Variants in FHIT observed in about 807,000 individuals in gnomAD.
The protein encoded by FHIT is fragile histidine triad diadenosine triphosphatase.
A neutral mutation model predicts 17.9 loss-of-function variants in FHIT; 19 were observed. The observed-to-expected ratio is 1.06, with a 90% confidence interval of 0.74 to 1.56. FHIT has a LOEUF of 1.56. Ranked by LOEUF, FHIT falls within the 40% of genes most tolerant of loss-of-function variation. FHIT has a pLI of 0.00. For missense variants in FHIT, 248 were observed against 189.2 expected, an observed-to-expected ratio of 1.31 and a Z score of -1.82; for synonymous variants, 81 against 69.7, an observed-to-expected ratio of 1.16 and a Z score of -0.81.
chr3:60,201,519 C>T lies in FHIT; in HGVS notation c.104-187367G>A, dbSNP rs183160118. ...GGGTAGATAATCAGAAGAAAAGAAT[C>T]ATTTAACAACCACCCTACCCCCCAA... is the stretch of plus-strand genomic sequence containing the variant. On this transcript the variant is annotated intron_variant, in intron 5 of 9. Transcript: ENST00000492590. Among the ~76,000 whole-genome samples the T allele has an allele frequency of 3.5e-3, 530 of 152,104 alleles. 2 individuals carry two copies. The highest frequency in any genetic ancestry group is 0.012 in the African/African-American group (507 of 41,506).
chr3:60,519,506 G>A (rs1054674756), intron 5 of FHIT, among the ~76,000 whole-genome samples: 1 of 152,064 alleles, frequency 6.6e-6, no homozygotes, highest in Non-Finnish European at 1.5e-5. Flanking sequence ...ATTGTTGACT[G>A]GAAGCCTTAC....
At chr3:60,588,425 AAAT>A (rs1386811589) in intron 4 of FHIT, among the ~76,000 whole-genome samples, 1 of 152,018 alleles carries the variant, frequency 6.6e-6, no homozygotes, top group Non-Finnish European at 1.5e-5. Flanking sequence ...GAAGAGAAGA[AAAT>A]AAAGAGGGGA....
At chr3:60,514,615 C>T (rs542665227) in intron 5 of FHIT, among the ~76,000 whole-genome samples, 40 of 152,256 alleles carry the variant, frequency 2.6e-4, no homozygotes, top group Non-Finnish European at 5.6e-4. Flanking sequence ...AACAAACCCA[C>T]ACATGCTGCA....
intron 1 of FHIT, among the ~76,000 whole-genome samples, chr3:61,242,633 C>G (rs2040399551): frequency 6.6e-6 from 1 of 152,058 alleles, no homozygotes; most frequent in Admixed American, 6.6e-5. Context: ...GAACAGGAGA[C>G]CAGAGTTTTA....
chr3:60,186,448 T>G (rs1412854307), intron 5 of FHIT, among the ~76,000 whole-genome samples: 1 of 152,190 alleles, frequency 6.6e-6, no homozygotes, highest in Non-Finnish European at 1.5e-5. Context: ...TAGTCAACTG[T>G]TTTTCAAAAA....
At chr3:60,154,377 C>T (rs181353382) in intron 5 of FHIT, among the ~76,000 whole-genome samples, 60 of 152,180 alleles carry the variant, frequency 3.9e-4, no homozygotes, top group African/African-American at 1.4e-3. Context: ...TCAGGCATAC[C>T]GAAAAATTCT....
chr3:60,341,428 G>A (rs1247194893), intron 5 of FHIT, among the ~76,000 whole-genome samples: 2 of 152,270 alleles, frequency 1.3e-5, no homozygotes, highest in South Asian at 2.1e-4. Context: ...CAGAAGCCTG[G>A]AGAACCAGGC....
chr3:61,183,698 C>T (rs1240878318), intron 2 of FHIT, among the ~76,000 whole-genome samples: 1 of 152,216 alleles, frequency 6.6e-6, no homozygotes, highest in Non-Finnish European at 1.5e-5. Context: ...AAGCCAGCTA[C>T]ATTTTTGGAC....
intron 4 of FHIT, among the ~76,000 whole-genome samples, chr3:60,692,838 T>C (rs1200997176): frequency 6.6e-6 from 1 of 152,252 alleles, no homozygotes; most frequent in Non-Finnish European, 1.5e-5. Context: ...GATGTCTTCA[T>C]TAAAAGTGAT....
chr3:60,226,915 G>A (rs566243967), intron 5 of FHIT, among the ~76,000 whole-genome samples: 122 of 152,140 alleles, frequency 8.0e-4, no homozygotes, highest in African/African-American at 2.6e-3. Flanking sequence ...TCTACCTAAC[G>A]TAGTAAATGA....
At chr3:60,807,241 G>A (rs1701425683) in intron 4 of FHIT, among the ~76,000 whole-genome samples, 1 of 152,082 alleles carries the variant, frequency 6.6e-6, no homozygotes, top group Admixed American at 6.5e-5. Context: ...GGAGGTAAGA[G>A]AGGTCTACAT....
At chr3:60,172,987 C>T (rs1701487287) in intron 5 of FHIT, among the ~76,000 whole-genome samples, 2 of 152,114 alleles carry the variant, frequency 1.3e-5, no homozygotes, top group Admixed American at 6.5e-5. Flanking sequence ...AAAACACATT[C>T]CCCCTATCTC....
intron 5 of FHIT, among the ~76,000 whole-genome samples, chr3:60,160,365 AG>A (rs1700888574): frequency 6.6e-6 from 1 of 152,210 alleles, no homozygotes; most frequent in Non-Finnish European, 1.5e-5. Flanking sequence ...TCATAAGGCC[AG>A]GACTTCCTGG....
intron 5 of FHIT, among the ~76,000 whole-genome samples, chr3:60,525,700 C>T (rs1025094528): frequency 3.3e-5 from 5 of 152,132 alleles, no homozygotes; most frequent in African/African-American, 7.2e-5. Flanking sequence ...CAAGCACAGA[C>T]TTGAGATGCA....
At chr3:59,957,257 G>C (rs763587300) in intron 7 of FHIT, among the ~76,000 whole-genome samples, 1 of 152,204 alleles carries the variant, frequency 6.6e-6, no homozygotes, top group Non-Finnish European at 1.5e-5. Flanking sequence ...TGTATAAGAA[G>C]AGAGGGAATT....
At chr3:60,131,586 TC>T (rs1559662163) in intron 5 of FHIT, among the ~76,000 whole-genome samples, 2 of 152,174 alleles carry the variant, frequency 1.3e-5, no homozygotes, top group South Asian at 4.2e-4. Context: ...CTACAGCCTT[TC>T]CCCCCAGTTC....
intron 7 of FHIT, among the ~76,000 whole-genome samples, chr3:59,956,147 A>C (rs889433825): frequency 1.3e-5 from 2 of 152,084 alleles, no homozygotes; most frequent in African/African-American, 4.8e-5. Context: ...GGGCCCTCAC[A>C]TGTGTTGCTC....
intron 5 of FHIT, among the ~76,000 whole-genome samples, chr3:60,238,877 G>A (rs1043450316): frequency 5.9e-5 from 9 of 152,156 alleles, no homozygotes; most frequent in African/African-American, 2.2e-4. Flanking sequence ...AAGTACAAAT[G>A]CATTAGGAAT....
chr3:60,838,720 C>A (rs1169716059), intron 3 of FHIT, among the ~76,000 whole-genome samples: 1 of 151,896 alleles, frequency 6.6e-6, no homozygotes, highest in Non-Finnish European at 1.5e-5. Flanking sequence ...AAACCGGATC[C>A]TATCGAATTT....
Sources: gnomAD v4.1 joint callset for allele counts (sites outside exome capture counted in the v4.1 genomes callset) on GRCh38, gnomAD v4.1.1 for gene constraint, MANE v1.5 for transcripts, NCBI Gene and HGNC (gene_info 2026-07-23, HGNC 2026-07-21) for gene names.